Variants in FILIP1L observed in about 807,000 individuals in gnomAD.
FILIP1L encodes filamin A-interacting protein 1-like.
In FILIP1L, 55 loss-of-function variants were observed where a neutral mutation model predicts 96.6. The ratio of observed to expected loss-of-function variants is 0.57; its 90% CI spans 0.46 to 0.71. The LOEUF (loss-of-function observed/expected upper bound fraction) is 0.71, where lower values mean the gene tolerates loss of function less well. Ranked by LOEUF, FILIP1L falls within the 30% of genes least tolerant of loss-of-function variation. FILIP1L has a pLI of 0.00. For synonymous variants in FILIP1L, 467 were observed against 473.9 expected (o/e 0.99, Z 0.19); for missense variants, 1,304 against 1,321.2 (o/e 0.99, Z 0.20).
At chr3:99,845,605 C>CCAATCTCTT (rs1389536493) in intron 5 of FILIP1L, among the ~76,000 whole-genome samples, 1 of 152,124 alleles carries the variant, frequency 6.6e-6, no homozygotes, top group African/African-American at 2.4e-5. Context: ...CTGTAATCTT[C>CCAATCTCTT]CAATCTCTTT....
chr3:99,878,147 C>T (rs1352168374), intron 4 of FILIP1L, among the ~76,000 whole-genome samples: 1 of 152,170 alleles, frequency 6.6e-6, no homozygotes, highest in Non-Finnish European at 1.5e-5. Flanking sequence ...TAATGTGTTA[C>T]TCCTGAAACA....
intron 1 of FILIP1L, among the ~76,000 whole-genome samples, chr3:99,977,945 A>G (rs1709018608): frequency 6.6e-6 from 1 of 152,190 alleles, no homozygotes; most frequent in South Asian, 2.1e-4. Flanking sequence ...AAATAGAAAC[A>G]GGCCAAAATT....
In FILIP1L at chr3:99,946,042, G is replaced by A. The variant is rs184952106; in HGVS notation, c.-10-15012C>T. ...TATTTCTAGTAATAACCAATAAAAA[G>A]ATAAAGTTCTTGAAATTATGGTCTT... On this transcript the variant is annotated intron_variant, in intron 1 of 5. Transcript: ENST00000477258. Among the ~76,000 whole-genome samples the A allele has an allele frequency of 5.9e-5, 9 of 152,280 alleles. No individual in the cohort carries two copies. In the South Asian group the frequency reaches 1.7e-3, roughly 28 times the overall value.
intron 4 of FILIP1L, among the ~76,000 whole-genome samples, chr3:99,858,336 G>T (rs968619314): frequency 2.0e-5 from 3 of 151,806 alleles, no homozygotes; most frequent in Admixed American, 2.0e-4. Flanking sequence ...ATGGTGGCAC[G>T]TGCCTGTGGT....
At chr3:100,111,521 G>A (rs1166485884) in intron 1 of FILIP1L, among the ~76,000 whole-genome samples, 1 of 152,110 alleles carries the variant, frequency 6.6e-6, no homozygotes, top group Non-Finnish European at 1.5e-5. Context: ...AAAACACCTT[G>A]TAGGTATAAA....
intron 1 of FILIP1L, among the ~76,000 whole-genome samples, chr3:100,058,400 A>G (rs1029595081): frequency 4.6e-5 from 7 of 152,224 alleles, no homozygotes; most frequent in Non-Finnish European, 8.8e-5. Flanking sequence ...AAATGAGATC[A>G]CCTCTGAAGG....
chr3:100,078,629 G>A (rs1194229261), intron 1 of FILIP1L, among the ~76,000 whole-genome samples: 1 of 152,066 alleles, frequency 6.6e-6, no homozygotes, highest in East Asian at 1.9e-4. Flanking sequence ...TGGCTCGCTG[G>A]CCTGTAATCC....
chr3:99,894,718 G>A (rs1201231057), intron 4 of FILIP1L, among the ~76,000 whole-genome samples: 1 of 152,126 alleles, frequency 6.6e-6, no homozygotes, highest in Admixed American at 6.5e-5. Flanking sequence ...ACTAGCACAA[G>A]GAAGCTTACT....
intron 1 of FILIP1L, among the ~76,000 whole-genome samples, chr3:99,949,633 A>C (rs1201693494): frequency 1.3e-5 from 2 of 152,228 alleles, no homozygotes; most frequent in Non-Finnish European, 2.9e-5. Context: ...CCTAAGAAAG[A>C]CAAAGAAGTG....
At chr3:99,964,609 G>T (rs1029153767) in intron 1 of FILIP1L, among the ~76,000 whole-genome samples, 1 of 152,014 alleles carries the variant, frequency 6.6e-6, no homozygotes, top group Non-Finnish European at 1.5e-5. Context: ...GATCTTCTCT[G>T]TGTGTCTAGG....
At chr3:99,847,715 T>A (rs949132391) in intron 5 of FILIP1L, among the ~76,000 whole-genome samples, 2 of 152,330 alleles carry the variant, frequency 1.3e-5, no homozygotes, top group Admixed American at 6.5e-5. Flanking sequence ...AAAGATCTTA[T>A]AGTTCACTTT....
At chr3:99,862,617 GACA>G (rs1202510994) in intron 4 of FILIP1L, among the ~76,000 whole-genome samples, 3 of 152,166 alleles carry the variant, frequency 2.0e-5, no homozygotes, top group Non-Finnish European at 4.4e-5. Flanking sequence ...GCTCAGTTGT[GACA>G]ACTACTGAAT....
chr3:99,988,829 AT>A (rs1268325234), intron 1 of FILIP1L, among the ~76,000 whole-genome samples: 2 of 152,124 alleles, frequency 1.3e-5, no homozygotes, highest in African/African-American at 4.8e-5. Context: ...TTCATTGGTA[AT>A]TTTTATTCCA....
chr3:100,108,538 C>T (rs2066432289), intron 1 of FILIP1L, among the ~76,000 whole-genome samples: 1 of 152,108 alleles, frequency 6.6e-6, no homozygotes, highest in African/African-American at 2.4e-5. Flanking sequence ...ACATTAAATG[C>T]ATTGTGGTAC....
At chr3:99,881,537 CTT>C (rs767566245) in intron 4 of FILIP1L, among the ~76,000 whole-genome samples, 6 of 144,890 alleles carry the variant, frequency 4.1e-5, no homozygotes, top group Non-Finnish European at 3.0e-5. Flanking sequence ...CTCTCTCTCT[CTT>C]TTTTTTTTTT....
chr3:99,944,297 A>G (rs1353625639), intron 1 of FILIP1L, among the ~76,000 whole-genome samples: 1 of 152,170 alleles, frequency 6.6e-6, no homozygotes, highest in Non-Finnish European at 1.5e-5. Context: ...GTGATAGGGA[A>G]CTATGATCCT....
chr3:99,830,576 TG>T lies in FILIP1L; in HGVS notation c.3410del (p.Pro1137GlnfsTer39). The T allele has an allele frequency of 2.2e-6, 1 of 456,674 alleles. No individual in the cohort carries two copies. Among genetic ancestry groups the T allele is most frequent in the South Asian group, 1.5e-5 (1 of 64,566 alleles). 28.3% of individuals were successfully genotyped at this position (456,674 alleles called of 1,614,324 possible). A position where few individuals can be genotyped will look rare whatever the true frequency, so the allele number is the denominator to read the frequency against. On this transcript the variant is annotated frameshift_variant, in exon 6 of 6. Coordinates refer to ENST00000477258, the MANE Select transcript of FILIP1L (RefSeq NM_001387850.1). LOFTEE classifies it high-confidence loss of function. The part of the protein sequence containing the change: ...TIKEVCKQRI[P>X]ARIPKPKSTG... Reference sequence around the variant, plus strand: ...TAGATTTCGGTTTAGGGATCCGTGCTGGGATTCTCTGCTTGCATACCTCCTT... The same window carrying T: ...TAGATTTCGGTTTAGGGATCCGTGCTGGATTCTCTGCTTGCATACCTCCTT...
chr3:99,928,564 A>C (rs563195816), intron 3 of FILIP1L, among the ~76,000 whole-genome samples: 1 of 152,218 alleles, frequency 6.6e-6, no homozygotes, highest in Non-Finnish European at 1.5e-5. Context: ...GGGTATTTCC[A>C]ATTTTGCATG....
chr3:100,025,473 C>G (rs1365985866), intron 1 of FILIP1L: 1 of 151,950 alleles, frequency 6.6e-6, no homozygotes, highest in Non-Finnish European at 1.5e-5. Context: ...TTTGATGTTG[C>G]CTAGGGTTAA....
Sources: gnomAD v4.1 joint callset for allele counts (sites outside exome capture counted in the v4.1 genomes callset) on GRCh38, gnomAD v4.1.1 for gene constraint, MANE v1.5 for transcripts, NCBI Gene and HGNC (gene_info 2026-07-23, HGNC 2026-07-21) for gene names.